The following PPIL2 variants were observed in gnomAD, a reference collection of about 807,000 sequenced individuals.
PPIL2 encodes the protein RING-type E3 ubiquitin-protein ligase PPIL2.
A neutral mutation model predicts 75.2 loss-of-function variants in PPIL2; 50 were observed. That is an observed-to-expected ratio of 0.66 (90% CI 0.53 to 0.84). The LOEUF is 0.84. Ranked by LOEUF, PPIL2 falls within the 40% of genes least tolerant of loss-of-function variation. The probability of loss-of-function intolerance (pLI) is 0.00; values close to 1 mark genes in which losing one functional copy is unlikely to be tolerated. For missense variants in PPIL2, 590 were observed against 685.0 expected (o/e 0.86, Z 1.55); for synonymous variants, 245 against 258.8 (o/e 0.95, Z 0.51).
chr22:21,677,985 C>T (rs1204205642), intron 6 of PPIL2, among the ~76,000 whole-genome samples: 8 of 152,078 alleles, frequency 5.3e-5, no homozygotes, highest in Admixed American at 3.3e-4. Flanking sequence ...CTGAGGTGGG[C>T]GCACGCTCAA....
chr22:21,694,875 C>T, intron 18 of PPIL2, 58 bp downstream of exon 18: 3 of 1,592,570 alleles, frequency 1.9e-6, no homozygotes, highest in African/African-American at 1.3e-5. Context: ...TTTTCCACCC[C>T]AAGCCTAGCA....
intron 15 of PPIL2, among the ~76,000 whole-genome samples, chr22:21,692,551 C>T (rs1453132251): frequency 6.6e-6 from 1 of 151,934 alleles, no homozygotes; most frequent in Non-Finnish European, 1.5e-5. Flanking sequence ...TATTTATTTT[C>T]ATTTGCTTCT....
intron 15 of PPIL2, among the ~76,000 whole-genome samples, chr22:21,690,263 A>T (rs745477139): frequency 3.0e-4 from 45 of 152,112 alleles, no homozygotes; most frequent in Admixed American, 1.4e-3. Flanking sequence ...GTGCGCCTGT[A>T]GTCCCAGCTG....
rs1479797670 is a variant in PPIL2 at position 21,666,057 on chromosome 22, C to T, written c.-43C>T. 1.2e-6 allele frequency: 2 copies of T among 1,607,354 alleles called. No homozygotes were observed. Among genetic ancestry groups the T allele is most frequent in the Admixed American group, 3.4e-5 (2 of 59,218 alleles). On this transcript the variant is annotated 5_prime_UTR_variant, in exon 1 of 20. Transcript: ENST00000398831. ...GCGGCTCCATGGTCTGAGTTGTCAG[C>T]CGTTGTTTTTTCGTGCTCGCTAGTC...
intron 4 of PPIL2, 107 bp from the exon 5 acceptor site, chr22:21,672,223 C>T (rs2066661436): frequency 6.7e-6 from 6 of 899,808 alleles, no homozygotes; most frequent in Non-Finnish European, 9.1e-6. Flanking sequence ...TGAAGCAAGA[C>T]CCCTTCACAG....
rs148433831 is a variant in PPIL2, at chr22:21,697,094, C to T, written c.*1604C>T. The T allele has an allele frequency of 1.7e-5, 20 of 1,192,104 alleles. No homozygotes were observed. The highest frequency in any genetic ancestry group is 1.1e-4 in the Admixed American group (5 of 44,906). 73.8% of individuals were successfully genotyped at this position (1,192,104 alleles called of 1,614,324 possible). ...GACTTTTGACGCCCTCCATCCCTCC[C>T]GCCAGGCACTGTCCTCCGCAAGGCC... is the stretch of plus-strand genomic sequence containing the variant. On this transcript the variant is annotated 3_prime_UTR_variant, in exon 20 of 20. Transcript: ENST00000398831.
chr22:21,684,644 C>T, intron 9 of PPIL2, 109 bp from the exon 10 acceptor site: 1 of 1,392,094 alleles, frequency 7.2e-7, no homozygotes, highest in East Asian at 2.5e-5. Flanking sequence ...GGCACGGTGC[C>T]TGCGCCATGG....
chr22:21,687,356 C>A (rs2067412758), intron 12 of PPIL2, among the ~76,000 whole-genome samples: 1 of 152,094 alleles, frequency 6.6e-6, no homozygotes, highest in Non-Finnish European at 1.5e-5. Flanking sequence ...ATGTTAAAGA[C>A]CAGCCTGGCC....
Position 21,681,334 on chromosome 22 carries a change from A to G in PPIL2, c.331A>G (p.Thr111Ala), listed in dbSNP as rs1569029730. The G allele has an allele frequency of 1.9e-6, 3 of 1,614,092 alleles. No individual in the cohort carries two copies. The highest frequency in any genetic ancestry group is 2.5e-6 in the Non-Finnish European group (3 of 1,179,972). The change falls in exon 7 of 20, where the codon ACC (threonine) becomes GCC (alanine). Residue 111 changes from threonine to alanine, a missense_variant. Physicochemically the swap from Thr to Ala is moderately conservative, Grantham distance 58. Transcript: ENST00000398831. ...YHCPVLFTVFTNNTHIVAVRT... is the reference protein window; with the variant it reads ...YHCPVLFTVFANNTHIVAVRT... ...CTGCCCAGTGCTGTTTACCGTGTTC[A>G]CCAACAACACCCACATCGTGGCTGT...
chr22:21,681,013 G>T (rs539556181), intron 6 of PPIL2, among the ~76,000 whole-genome samples: 21 of 152,258 alleles, frequency 1.4e-4, no homozygotes, highest in Non-Finnish European at 2.2e-4. Flanking sequence ...TCAGTAGGAG[G>T]AGGAGGCTAG....
chr22:21,671,753 A>G (rs533507177), intron 4 of PPIL2, among the ~76,000 whole-genome samples: 1 of 152,262 alleles, frequency 6.6e-6, no homozygotes, highest in East Asian at 1.9e-4. Context: ...TTAATTATAC[A>G]GATGTATCAA....
intron 15 of PPIL2, among the ~76,000 whole-genome samples, chr22:21,693,283 A>G (rs2067763718): frequency 1.3e-5 from 2 of 151,978 alleles, no homozygotes; most frequent in African/African-American, 4.8e-5. Flanking sequence ...CCTGGCCTCA[A>G]GTGATCTACC....
intron 1 of PPIL2, chr22:21,669,340 A>T (rs945130810): frequency 4.4e-5 from 20 of 451,228 alleles, no homozygotes; most frequent in African/African-American, 3.8e-4. Context: ...GTAGAGACAG[A>T]TTCTCGCTTT....
At chr22:21,686,431 C>T (rs367878160) in intron 10 of PPIL2, 52 bp from the exon 11 acceptor site, 15 of 1,558,132 alleles carry the variant, frequency 9.6e-6, no homozygotes, top group Non-Finnish European at 1.3e-5. Flanking sequence ...CACGTCCCCA[C>T]CCAACTGCCT....
chr22:21,671,987 G>C (rs2066651267), intron 4 of PPIL2, among the ~76,000 whole-genome samples: 1 of 152,126 alleles, frequency 6.6e-6, no homozygotes, highest in African/African-American at 2.4e-5. Context: ...GGGGTTGGAG[G>C]CTGCAGTGAG....
intron 1 of PPIL2, among the ~76,000 whole-genome samples, chr22:21,668,783 C>T (rs1379669724): frequency 6.8e-6 from 1 of 147,976 alleles, no homozygotes; most frequent in Admixed American, 6.7e-5. Flanking sequence ...ATGGTCTCCG[C>T]TCACTGCAAG....
At position 21,696,887 on chromosome 22, in the gene PPIL2, T is replaced by C; in HGVS notation, c.*1397T>C. On this transcript the variant is annotated 3_prime_UTR_variant, in exon 20 of 20. Transcript: ENST00000398831. ...CCTCACCCCATCCACTGCCACAGGC[T>C]GCCTGATGACCACTAGAGGTATGTC... 1 of 1,591,840 alleles carries C rather than the reference T, an allele frequency of 6.3e-7. No individual in the cohort carries two copies. Among genetic ancestry groups the C allele is most frequent in the Non-Finnish European group, 8.5e-7 (1 of 1,169,766 alleles).
At chr22:21,692,355 C>A (rs373386983) in intron 15 of PPIL2, among the ~76,000 whole-genome samples, 3 of 151,280 alleles carry the variant, frequency 2.0e-5, no homozygotes, top group Non-Finnish European at 4.4e-5. Context: ...GGGGTTTCAC[C>A]GTGTTAGCGA....
At position 21,675,017 on chromosome 22, in the gene PPIL2, T is replaced by C. The variant is rs1351747912; in HGVS notation, c.244-47T>C. The C allele has an allele frequency of 2.0e-6, 3 of 1,499,316 alleles. No individual in the cohort carries two copies. In the African/African-American group the frequency reaches 4.1e-5, roughly 21 times the overall value. The allele number at this position is 1,499,316 out of a possible 1,614,324, so 92.9% of individuals were successfully genotyped here. The stretch of plus-strand genomic sequence containing the variant: ...TCTCTGACCCTAGCATCTCTGTGCA[T>C]CAGTTACTTATTCATTATCATTAAT... On this transcript the variant is annotated intron_variant, in intron 5 of 19. Transcript: ENST00000398831.
Sources: allele counts gnomAD v4.1 joint callset (sites outside exome capture counted in the v4.1 genomes callset), GRCh38; gene constraint gnomAD v4.1.1; transcripts MANE v1.5; gene names NCBI Gene and HGNC (gene_info 2026-07-23, HGNC 2026-07-21).